The following COPZ2 variants were observed in gnomAD, a reference collection of about 807,000 sequenced individuals.
COPZ2 encodes the protein coatomer subunit zeta-2.
Under a neutral mutation model 33.2 loss-of-function variants are expected in COPZ2, and 30 were observed. The ratio of observed to expected loss-of-function variants is 0.90; its 90% CI spans 0.68 to 1.23. The LOEUF (loss-of-function observed/expected upper bound fraction) is 1.23, where lower values mean the gene tolerates loss of function less well. COPZ2 is among the 50% of genes most tolerant of loss of function. The pLI is 0.00. For missense variants in COPZ2, 263 were observed against 262.4 expected (o/e 1.00, Z -0.02); for synonymous variants, 89 against 102.6 (o/e 0.87, Z 0.80).
chr17:48,047,375 C>T, the COPZ2 span: 3 of 152,192 alleles, frequency 2.0e-5, no homozygotes, highest in Admixed American at 6.5e-5. Flanking sequence ...GCCGCCACTC[C>T]AGGGTCATTA....
rs1321940394 is a variant in COPZ2 at position 48,033,285 on chromosome 17, CA to C, written c.285del (p.Phe95LeufsTer4). The C allele has an allele frequency of 1.2e-6, 2 of 1,612,168 alleles. No individual in the cohort carries two copies. Among genetic ancestry groups the C allele is most frequent in the Non-Finnish European group, 1.7e-6 (2 of 1,178,818 alleles). ...TSRTESEIAF[F>X]GGMTIVYKNS... is the part of the protein sequence containing the mutation. ...TTCTTGTAGACGATGGTCATACCCC[CA>C]AAAAATGCAATCTCACCTAGAAGTG... On this transcript the variant is annotated frameshift_variant, in exon 4 of 9. Transcript: ENST00000621465. LOFTEE classifies it high-confidence loss of function.
chr17:48,038,483 C>T (rs2037026735), upstream of COPZ2, among the ~76,000 whole-genome samples: 1 of 152,196 alleles, frequency 6.6e-6, no homozygotes, highest in East Asian at 1.9e-4. Context: ...GGTACACTGG[C>T]AAGTGGGAAA....
At chr17:48,044,436 G>A in the COPZ2 span, among the ~76,000 whole-genome samples, 1 of 102,148 alleles carries the variant, frequency 9.8e-6, no homozygotes, top group East Asian at 3.1e-4. Flanking sequence ...TTACCCCAAT[G>A]TGGATTCTTG....
At chr17:48,035,166 C>A (rs2144310367) in intron 2 of COPZ2, among the ~76,000 whole-genome samples, 1 of 152,242 alleles carries the variant, frequency 6.6e-6, no homozygotes, top group South Asian at 2.1e-4. Flanking sequence ...GAATGGTGAG[C>A]CTCTCTCTCT....
chr17:48,032,705 A>G lies in COPZ2; in HGVS notation c.397T>C (p.Ser133Pro), dbSNP rs1435866858. 6.3e-7 allele frequency: 1 copy of G among 1,593,838 alleles called. No individual in the cohort carries two copies. Reference protein sequence around the residue: ...LMSVLTCLFESLNHMLRKNVE... With the variant: ...LMSVLTCLFEPLNHMLRKNVE... ...ACTCACCTTAACATGTGGTTCAGAG[A>G]CTCAAACAGGCAGGTGAGAACAGAC... The change falls in exon 5 of 9, where the codon TCT becomes CCT. Residue 133 changes from serine to proline, a missense_variant. Transcript: ENST00000621465.
upstream of COPZ2, among the ~76,000 whole-genome samples, chr17:48,040,581 C>T (rs2037052217): frequency 6.6e-6 from 1 of 151,554 alleles, no homozygotes; most frequent in Non-Finnish European, 1.5e-5. Flanking sequence ...TACAGGTGCA[C>T]ACCACCACGC....
chr17:48,028,667 G>T lies in COPZ2; in HGVS notation c.547-157C>A. ...GTCACTGGTTAATAGAAGTCCTGCA[G>T]CCTGTCATTTGGAAGCCAGGACCTC... is the stretch of plus-strand genomic sequence containing the variant. On this transcript the variant is annotated intron_variant, in intron 7 of 8. Coordinates refer to ENST00000621465, the MANE Select transcript of COPZ2 (RefSeq NM_016429.4). The surrounding 1 kb of genome is among the most constrained non-coding windows in gnomAD (Gnocchi z 4.5). 1 of 661,712 alleles carries T rather than the reference G, an allele frequency of 1.5e-6. No homozygotes were observed. Among genetic ancestry groups the T allele is most frequent in the Non-Finnish European group, 2.6e-6 (1 of 389,108 alleles). 41.0% of individuals were successfully genotyped at this position (661,712 alleles called of 1,614,324 possible). A position where few individuals can be genotyped will look rare whatever the true frequency, so the allele number is the denominator to read the frequency against.
Position 48,033,873 on chromosome 17 carries a change from G to C in COPZ2, c.258C>G (p.Ser86Arg), listed in dbSNP as rs779389710. 5.0e-6 allele frequency: 8 copies of C among 1,608,320 alleles called. No individual in the cohort carries two copies. Among genetic ancestry groups the C allele is most frequent in the African/African-American group, 4.0e-5 (3 of 74,856 alleles). ...GAGGGGGACACTTACTCTCAGTCCG[G>C]CTGGTCTTGTTGAAGACATTTTTCT... Reference protein sequence around the residue: ...VFEKNVFNKTSRTESEIAFFG... With the variant: ...VFEKNVFNKTRRTESEIAFFG... The change falls in exon 3 of 9, where the codon AGC becomes AGG. Residue 86 changes from serine (S) to arginine (R), a missense_variant. Ser to Arg is a moderately radical substitution (Grantham distance 110). Transcript: ENST00000621465.
Position 48,037,631 on chromosome 17 carries a change from C to T in COPZ2, c.111+36G>A, listed in dbSNP as rs531541556. 2.3e-4 allele frequency: 241 copies of T among 1,068,278 alleles called. 1 individual carries two copies. The African/African-American group carries it at 3.9e-3, about 17-fold the overall frequency. 66.2% of individuals were successfully genotyped at this position (1,068,278 alleles called of 1,614,324 possible). A position where few individuals can be genotyped will look rare whatever the true frequency, so the allele number is the denominator to read the frequency against. Reference sequence around the variant, plus strand: ...CCCTGCTCTGTCCCTGCCCAGCTCCCGCCGCCCGGGATCCCCGCGCCCGCC... The same window carrying T: ...CCCTGCTCTGTCCCTGCCCAGCTCCTGCCGCCCGGGATCCCCGCGCCCGCC... On this transcript the variant is annotated intron_variant, in intron 1 of 8. Coordinates refer to ENST00000621465, the MANE Select transcript of COPZ2 (RefSeq NM_016429.4). This position sits in a 1 kb window ranked among gnomAD's most constrained non-coding sequence, Gnocchi z 5.6.
intron 2 of COPZ2, among the ~76,000 whole-genome samples, chr17:48,036,124 T>C (rs1298645106): frequency 6.6e-6 from 1 of 152,158 alleles, no homozygotes; most frequent in East Asian, 1.9e-4. Flanking sequence ...ACAGCAGAAA[T>C]TTATTTTTGG....
chr17:48,032,216 C>T lies in COPZ2; in HGVS notation c.434G>A (p.Arg145His), dbSNP rs1206056623. 6.2e-6 allele frequency: 10 copies of T among 1,612,894 alleles called. No individual in the cohort carries two copies. Among genetic ancestry groups the T allele is most frequent in the South Asian group, 2.2e-5 (2 of 90,662 alleles). Residue 145 changes from arginine (R) to histidine (H), a missense_variant, in exon 6 of 9, where the codon CGC (arginine) becomes CAC (histidine). Physicochemically the swap from Arg to His is conservative, Grantham distance 29 (BLOSUM62 0). Coordinates refer to ENST00000621465, the MANE Select transcript of COPZ2 (RefSeq NM_016429.4). The part of the protein sequence containing the change: ...NHMLRKNVEK[R>H]WLLENMDGAF... ...TCCGTCCATGTTCTCCAGCAACCAG[C>T]GCTTCTCCACGTTCTTCCTGAAGGT...
the COPZ2 span, among the ~76,000 whole-genome samples, chr17:48,044,266 G>C: frequency 6.6e-6 from 1 of 152,062 alleles, no homozygotes; most frequent in Admixed American, 6.5e-5. Flanking sequence ...AGAATCGCTT[G>C]AACTGGGGAG....
chr17:48,040,502 G>A (rs1234405781), upstream of COPZ2, among the ~76,000 whole-genome samples: 2 of 148,894 alleles, frequency 1.3e-5, no homozygotes, highest in African/African-American at 2.5e-5. Flanking sequence ...GCGAGATCTC[G>A]GCTCACTGCA....
chr17:48,035,955 A>C (rs2144312810), intron 2 of COPZ2, among the ~76,000 whole-genome samples: 1 of 151,720 alleles, frequency 6.6e-6, no homozygotes, highest in South Asian at 2.1e-4. Flanking sequence ...GGGTTTCACC[A>C]TGTTGTCCAG....
In COPZ2 at chr17:48,037,074, C is replaced by T; in HGVS notation, c.112-149G>A. The T allele has an allele frequency of 1.3e-6, 1 of 796,038 alleles. No individual in the cohort carries two copies. Among genetic ancestry groups the T allele is most frequent in the South Asian group, 1.4e-5 (1 of 70,448 alleles). The allele number at this position is 796,038 out of a possible 1,614,324, so 49.3% of individuals were successfully genotyped here. ...GCTGGTTCTGCCCAGCCCTGTGCCA[C>T]ATGGGCCAACCCAGGTGCCCACTCC... On this transcript the variant is annotated intron_variant, in intron 1 of 8. Coordinates refer to ENST00000621465, the MANE Select transcript of COPZ2 (RefSeq NM_016429.4). This position sits in a 1 kb window ranked among gnomAD's most constrained non-coding sequence, Gnocchi z 5.6.
rs373358902 is a variant in COPZ2, at chr17:48,037,128, C to T, written c.112-203G>A. The stretch of plus-strand genomic sequence containing the variant: ...CCCAGGCAGATGTTCCACTGCAGGC[C>T]CCGAGTGGGCGCTGTGCCCGTTGGG... On this transcript the variant is annotated intron_variant, in intron 1 of 8. Transcript: ENST00000621465. The surrounding 1 kb of genome is among the most constrained non-coding windows in gnomAD (Gnocchi z 5.6). The T allele has an allele frequency of 9.1e-6, 7 of 769,212 alleles. No homozygotes were observed. Among genetic ancestry groups the T allele is most frequent in the Non-Finnish European group, 1.7e-5 (7 of 412,416 alleles). 47.6% of individuals were successfully genotyped at this position (769,212 alleles called of 1,614,324 possible).
In COPZ2 at chr17:48,028,664, G is replaced by A; in HGVS notation, c.547-154C>T. ...TGTGTCACTGGTTAATAGAAGTCCT[G>A]CAGCCTGTCATTTGGAAGCCAGGAC... is the stretch of plus-strand genomic sequence containing the variant. On this transcript the variant is annotated intron_variant, in intron 7 of 8. Coordinates refer to ENST00000621465, the MANE Select transcript of COPZ2 (RefSeq NM_016429.4). The surrounding 1 kb of genome is among the most constrained non-coding windows in gnomAD (Gnocchi z 4.5). The A allele has an allele frequency of 1.5e-6, 1 of 666,660 alleles. No homozygotes were observed. Among genetic ancestry groups the A allele is most frequent in the Non-Finnish European group, 2.5e-6 (1 of 392,836 alleles). The allele number at this position is 666,660 out of a possible 1,614,324, so 41.3% of individuals were successfully genotyped here.
rs1395181246 is a variant in COPZ2, at chr17:48,037,790, C to T, written c.-13G>A. 8.0e-6 allele frequency: 8 copies of T among 998,006 alleles called. No individual in the cohort carries two copies. Among genetic ancestry groups the T allele is most frequent in the Admixed American group, 6.1e-5 (1 of 16,354 alleles). The allele number at this position is 998,006 out of a possible 1,614,324, so 61.8% of individuals were successfully genotyped here. A position where few individuals can be genotyped will look rare whatever the true frequency, so the allele number is the denominator to read the frequency against. ...CGGGCCGCTGCATTCCGCTCGCCGCCTCGCACTGACAGCGCCGCCCGCCGC... is the reference window on the plus strand; with the variant it reads ...CGGGCCGCTGCATTCCGCTCGCCGCTTCGCACTGACAGCGCCGCCCGCCGC... On this transcript the variant is annotated 5_prime_UTR_variant, in exon 1 of 9. Coordinates refer to ENST00000621465, the MANE Select transcript of COPZ2 (RefSeq NM_016429.4). This position sits in a 1 kb window ranked among gnomAD's most constrained non-coding sequence, Gnocchi z 5.6.
upstream of COPZ2, among the ~76,000 whole-genome samples, chr17:48,041,626 G>C (rs141548973): frequency 2.0e-5 from 3 of 152,266 alleles, no homozygotes; most frequent in East Asian, 5.8e-4. Flanking sequence ...AGTTATAATA[G>C]GGAACATAAT....
Sources: allele counts gnomAD v4.1 joint callset (sites outside exome capture counted in the v4.1 genomes callset), GRCh38; gene constraint gnomAD v4.1.1; non-coding constraint Gnocchi (gnomAD v3.1); transcripts MANE v1.5; gene names NCBI Gene and HGNC (gene_info 2026-07-23, HGNC 2026-07-21).